CCDC141: variants seen among roughly 807,000 people sequenced by gnomAD.
CCDC141 encodes the protein coiled-coil domain-containing protein 141.
In CCDC141, 168 loss-of-function variants were observed where a neutral mutation model predicts 181.0. The ratio of observed to expected loss-of-function variants is 0.93; its 90% confidence interval spans 0.82 to 1.05. The LOEUF (loss-of-function observed/expected upper bound fraction) is 1.05, where lower values mean the gene tolerates loss of function less well. Among genes scored for constraint, CCDC141 ranks in the 50% least tolerant of loss-of-function variants. The pLI, the probability that CCDC141 is intolerant of heterozygous loss-of-function variation, is 0.00. For synonymous variants in CCDC141, 666 were observed against 642.3 expected, an observed-to-expected ratio of 1.04 and a Z score of -0.56; for missense variants, 1,902 against 1,788.5, an observed-to-expected ratio of 1.06 and a Z score of -1.14.
intron 2 of CCDC141, among the ~76,000 whole-genome samples, chr2:179,041,345 T>C (rs922181147): frequency 1.3e-4 from 20 of 152,146 alleles, no homozygotes; most frequent in African/African-American, 4.3e-4. Flanking sequence ...TGGTATGAGA[T>C]GGTATCTCAT....
intron 4 of CCDC141, among the ~76,000 whole-genome samples, chr2:178,965,376 G>A (rs1350564913): frequency 1.3e-5 from 2 of 152,228 alleles, no homozygotes; most frequent in African/African-American, 2.4e-5. Flanking sequence ...AGCTCCTAGA[G>A]AGATTGACAC....
intron 8 of CCDC141, among the ~76,000 whole-genome samples, chr2:178,900,047 A>C (rs1052718170): frequency 1.1e-4 from 16 of 152,178 alleles, no homozygotes; most frequent in Admixed American, 7.9e-4. Context: ...TTTGCCAAGA[A>C]ACAATTTTAT....
chr2:178,997,996 A>G (rs913174674), intron 2 of CCDC141, among the ~76,000 whole-genome samples: 2 of 152,222 alleles, frequency 1.3e-5, no homozygotes, highest in East Asian at 1.9e-4. Context: ...ATCAAAAACC[A>G]TAAGGTATGG....
chr2:179,015,833 TATATATCTC>T lies in CCDC141; in HGVS notation c.225+31442_225+31450del, dbSNP rs1341566658. On this transcript the variant is annotated intron_variant, in intron 2 of 23. Transcript: ENST00000443758. ...TCATATATATCTCATATATGTATCA[TATATATCTC>T]ATATATCTCATATATATCTCATATA... 7.2e-3 allele frequency among the ~76,000 whole-genome samples: 1,031 copies of T among 142,868 alleles called. 18 individuals carry two copies. Among genetic ancestry groups the T allele is most frequent in the African/African-American group, 0.024 (941 of 39,332 alleles). The allele number at this position is 142,868 out of a possible 152,430, so 93.7% of individuals were successfully genotyped here. A position where few individuals can be genotyped will look rare whatever the true frequency, so the allele number is the denominator to read the frequency against.
intron 2 of CCDC141, among the ~76,000 whole-genome samples, chr2:179,045,579 G>A (rs1196426105): frequency 3.3e-5 from 5 of 151,868 alleles, no homozygotes; most frequent in East Asian, 1.9e-4. Context: ...TCCCTGAGGA[G>A]TCGCCACGCT....
chr2:178,955,346 G>A (rs965407994), intron 5 of CCDC141, among the ~76,000 whole-genome samples: 7 of 151,878 alleles, frequency 4.6e-5, no homozygotes, highest in African/African-American at 1.2e-4. Flanking sequence ...AAAAACTCAG[G>A]TGAGATAATT....
At chr2:178,966,736 T>C (rs998040889) in intron 4 of CCDC141, among the ~76,000 whole-genome samples, 2 of 151,882 alleles carry the variant, frequency 1.3e-5, no homozygotes, top group African/African-American at 4.8e-5. Context: ...GGAACAAAAC[T>C]GGACGGAGAA....
Position 178,886,699 on chromosome 2 carries a change from T to A in CCDC141, c.1527+53A>T, listed in dbSNP as rs1350015094. 3.3e-6 allele frequency: 4 copies of A among 1,200,890 alleles called. No individual in the cohort carries two copies. In the African/African-American group the frequency reaches 4.8e-5, roughly 14 times the overall value. 74.4% of individuals were successfully genotyped at this position (1,200,890 alleles called of 1,614,324 possible). On this transcript the variant is annotated intron_variant, in intron 10 of 23. Transcript: ENST00000443758. ...TAAGTTTATAGCTATCAAATATTTT[T>A]AAAATTATCTTTACAAAATTATAGC...
intron 2 of CCDC141, among the ~76,000 whole-genome samples, chr2:179,045,415 T>A (rs1205093188): frequency 6.6e-6 from 1 of 151,726 alleles, no homozygotes; most frequent in Non-Finnish European, 1.5e-5. Context: ...TCTATCATTG[T>A]TGGACATTTG....
At position 178,865,789 on chromosome 2, in the gene CCDC141, G is replaced by A. The variant is rs755634785; in HGVS notation, c.2702C>T (p.Ala901Val). The A allele has an allele frequency of 1.9e-6, 3 of 1,575,566 alleles. No individual in the cohort carries two copies. Among genetic ancestry groups the A allele is most frequent in the Non-Finnish European group, 1.7e-6 (2 of 1,162,678 alleles). Reference sequence around the variant, plus strand: ...CACCTCATTTATCTCGTCTCTCATGGCGCAGTACTCCACACTACGGGACAG... The same window carrying A: ...CACCTCATTTATCTCGTCTCTCATGACGCAGTACTCCACACTACGGGACAG... ...RTLSRSVEYC[A>V]MRDEINELKD... Residue 901 changes from alanine to valine, a missense_variant, in exon 17 of 24, where the codon GCC (alanine) becomes GTC (valine). By Grantham distance (64) the Ala-to-Val change is moderately conservative (BLOSUM62 0). Coordinates refer to ENST00000443758, the MANE Select transcript of CCDC141 (RefSeq NM_173648.4).
chr2:178,893,171 C>T (rs1383876923), intron 8 of CCDC141, among the ~76,000 whole-genome samples: 2 of 151,766 alleles, frequency 1.3e-5, no homozygotes, highest in East Asian at 1.9e-4. Flanking sequence ...CATTCTCTCC[C>T]TTATTCATTG....
At chr2:178,982,446 T>C (rs567753419) in intron 2 of CCDC141, among the ~76,000 whole-genome samples, 2 of 152,084 alleles carry the variant, frequency 1.3e-5, no homozygotes, top group African/African-American at 4.8e-5. Flanking sequence ...CTGAAAGAAA[T>C]TGAAGGAGGG....
intron 21 of CCDC141, among the ~76,000 whole-genome samples, chr2:178,846,047 CATT>C (rs1276678894): frequency 6.6e-6 from 1 of 152,084 alleles, no homozygotes; most frequent in African/African-American, 2.4e-5. Flanking sequence ...AGAAAGGAAT[CATT>C]ATGCATGGCA....
At chr2:178,966,785 G>A (rs1455637044) in intron 4 of CCDC141, among the ~76,000 whole-genome samples, 1 of 151,900 alleles carries the variant, frequency 6.6e-6, no homozygotes, top group Non-Finnish European at 1.5e-5. Flanking sequence ...TCAGAAGGTA[G>A]GTAATAACAA....
chr2:178,923,351 G>A (rs192236056), intron 6 of CCDC141, among the ~76,000 whole-genome samples: 14 of 152,118 alleles, frequency 9.2e-5, no homozygotes, highest in African/African-American at 2.6e-4. Flanking sequence ...TGATCCGCCC[G>A]CCTCGGCCTC....
intron 5 of CCDC141, among the ~76,000 whole-genome samples, chr2:178,944,948 CA>C (rs1488676586): frequency 6.6e-6 from 1 of 152,036 alleles, no homozygotes; most frequent in Admixed American, 6.6e-5. Flanking sequence ...GATTCCCAAG[CA>C]GTCCAAAAAT....
chr2:178,968,452 T>C (rs1690733344), intron 4 of CCDC141, among the ~76,000 whole-genome samples: 1 of 152,112 alleles, frequency 6.6e-6, no homozygotes, highest in Non-Finnish European at 1.5e-5. Flanking sequence ...ACCGCACAAC[T>C]ACATGGAAAC....
chr2:178,836,436 C>T (rs1032256411), intron 23 of CCDC141: 6 of 153,444 alleles, frequency 3.9e-5, no homozygotes, highest in Non-Finnish European at 8.7e-5. Flanking sequence ...AAAGATGACA[C>T]GTGTGACTCT....
chr2:178,932,561 G>GA (rs963845487), intron 6 of CCDC141, among the ~76,000 whole-genome samples: 26 of 152,024 alleles, frequency 1.7e-4, no homozygotes, highest in African/African-American at 5.1e-4. Flanking sequence ...ATGTTAATTG[G>GA]AAAAAAATCA....
Sources: gnomAD v4.1 joint callset for allele counts (sites outside exome capture counted in the v4.1 genomes callset) on GRCh38, gnomAD v4.1.1 for gene constraint, MANE v1.5 for transcripts, NCBI Gene and HGNC (gene_info 2026-07-23, HGNC 2026-07-21) for gene names.